TRIO: variants seen among roughly 807,000 people sequenced by gnomAD.
TRIO encodes triple functional domain protein.
Under a neutral mutation model 351.9 loss-of-function variants are expected in TRIO, and 58 were observed. The ratio of observed to expected loss-of-function variants is 0.16; its 90% CI spans 0.13 to 0.21. The LOEUF is 0.21. Among genes scored for constraint, TRIO ranks in the 10% least tolerant of loss-of-function variants. The pLI is 1.00. For synonymous variants in TRIO, 1,758 were observed against 1,595.7 expected (o/e 1.10, Z -2.42); for missense variants, 3,201 against 4,027.8 (o/e 0.79, Z 5.56).
intron 11 of TRIO, among the ~76,000 whole-genome samples, chr5:14,350,454 G>T (rs371484522): frequency 1.5e-4 from 23 of 152,294 alleles, no homozygotes; most frequent in African/African-American, 5.3e-4. Flanking sequence ...ACTTGATACT[G>T]TTTGGTTAGT....
intron 18 of TRIO, among the ~76,000 whole-genome samples, chr5:14,371,651 T>C (rs1466506163): frequency 3.3e-5 from 5 of 151,940 alleles, no homozygotes; most frequent in Admixed American, 6.6e-5. Context: ...TGTTTTTTTT[T>C]TTTTTTTGAG....
At chr5:14,272,163 C>T (rs911223136) in intron 2 of TRIO, among the ~76,000 whole-genome samples, 1 of 152,204 alleles carries the variant, frequency 6.6e-6, no homozygotes, top group African/African-American at 2.4e-5. Flanking sequence ...GCTTTGCGAA[C>T]CCCTGATTTT....
At chr5:14,308,118 T>C (rs1359145317) in intron 8 of TRIO, among the ~76,000 whole-genome samples, 2 of 152,178 alleles carry the variant, frequency 1.3e-5, no homozygotes, top group African/African-American at 4.8e-5. Context: ...GTATGGTGTT[T>C]AGAATTTTAA....
At chr5:14,184,177 A>G (rs1027263407) in intron 1 of TRIO, among the ~76,000 whole-genome samples, 1 of 152,228 alleles carries the variant, frequency 6.6e-6, no homozygotes, top group African/African-American at 2.4e-5. Flanking sequence ...TGCAGAAATC[A>G]TCCTGTGGGG....
At chr5:14,279,335 C>G (rs1735792991) in intron 2 of TRIO, among the ~76,000 whole-genome samples, 1 of 151,462 alleles carries the variant, frequency 6.6e-6, no homozygotes. Flanking sequence ...TTTGGCTGTT[C>G]TAAAAGGAAA....
chr5:14,492,236 G>T, intron 48 of TRIO: 1 of 332,186 alleles, frequency 3.0e-6, no homozygotes, highest in Non-Finnish European at 5.6e-6. Context: ...GTAACCTAAC[G>T]TGGCGTCAGC....
intron 8 of TRIO, among the ~76,000 whole-genome samples, chr5:14,310,254 C>T (rs910252436): frequency 7.2e-5 from 11 of 152,222 alleles, no homozygotes; most frequent in Non-Finnish European, 1.3e-4. Context: ...CTCAGTGTGC[C>T]TGTGTTGCCT....
At chr5:14,498,013 T>G in intron 51 of TRIO, 76 bp from the exon 52 acceptor site, 1 of 1,611,318 alleles carries the variant, frequency 6.2e-7, no homozygotes, top group Non-Finnish European at 8.5e-7. Flanking sequence ...GTCCTATCAA[T>G]CTGTCGGGGA....
At chr5:14,173,869 C>T (rs1391673762) in intron 1 of TRIO, among the ~76,000 whole-genome samples, 1 of 152,218 alleles carries the variant, frequency 6.6e-6, no homozygotes, top group Non-Finnish European at 1.5e-5. Flanking sequence ...GTGACTGTTA[C>T]TCTCCTGTAG....
At chr5:14,165,760 GC>G (rs1171178002) in intron 1 of TRIO, among the ~76,000 whole-genome samples, 3 of 152,048 alleles carry the variant, frequency 2.0e-5, no homozygotes, top group African/African-American at 4.8e-5. Flanking sequence ...TTTCACAAAG[GC>G]CCCTGGATCC....
At chr5:14,208,055 T>C (rs1320186720) in intron 1 of TRIO, among the ~76,000 whole-genome samples, 3 of 152,224 alleles carry the variant, frequency 2.0e-5, no homozygotes, top group Admixed American at 6.5e-5. Flanking sequence ...CCCTCATAAA[T>C]TGGGAATATA....
intron 8 of TRIO, among the ~76,000 whole-genome samples, chr5:14,306,679 A>G (rs1738403058): frequency 6.6e-6 from 1 of 152,238 alleles, no homozygotes; most frequent in African/African-American, 2.4e-5. Flanking sequence ...GGTGATTGGC[A>G]GACCCTGGGA....
chr5:14,358,306 C>T lies in TRIO; in HGVS notation c.2175C>T (p.Val725=). The change falls in exon 12 of 57, where the codon GTC becomes GTT. Residue 725 remains valine (V), a synonymous_variant. Coordinates refer to ENST00000344204, the MANE Select transcript of TRIO (RefSeq NM_007118.4). The part of the protein sequence containing the change: ...QQQQTTLQVT[V]NVIKEGEDLI... Reference sequence around the variant, plus strand: ...AGCAGACCACCCTGCAGGTGACTGTCAACGTGATCAAGGAAGGGGAGGACC... The same window carrying T: ...AGCAGACCACCCTGCAGGTGACTGTTAACGTGATCAAGGAAGGGGAGGACC... The T allele has an allele frequency of 2.5e-6, 4 of 1,614,168 alleles. No homozygotes were observed. The highest frequency in any genetic ancestry group is 3.4e-6 in the Non-Finnish European group (4 of 1,180,026).
intron 46 of TRIO, among the ~76,000 whole-genome samples, chr5:14,483,369 C>G (rs577624329): frequency 6.6e-6 from 1 of 152,326 alleles, no homozygotes; most frequent in East Asian, 1.9e-4. Context: ...GCAGATGACT[C>G]CTGGGAGATA....
At chr5:14,167,233 G>T (rs558161858) in intron 1 of TRIO, among the ~76,000 whole-genome samples, 1 of 151,642 alleles carries the variant, frequency 6.6e-6, no homozygotes, top group African/African-American at 2.4e-5. Flanking sequence ...CAGTAACTCT[G>T]GGGGGAAGAT....
chr5:14,400,479 A>G (rs6868103), intron 30 of TRIO, among the ~76,000 whole-genome samples: 142 of 152,322 alleles, frequency 9.3e-4, no homozygotes, highest in African/African-American at 3.2e-3. Context: ...AGCCGTTAAA[A>G]TTATTGATGA....
chr5:14,407,585 C>T (rs754148019), intron 33 of TRIO, among the ~76,000 whole-genome samples: 7 of 152,220 alleles, frequency 4.6e-5, no homozygotes, highest in Non-Finnish European at 1.0e-4. Flanking sequence ...GAGATGCCCT[C>T]TCATAACCAT....
At chr5:14,145,580 C>T (rs1009883060) in intron 1 of TRIO, among the ~76,000 whole-genome samples, 21 of 152,018 alleles carry the variant, frequency 1.4e-4, no homozygotes, top group African/African-American at 4.1e-4. Context: ...GACGTATTCC[C>T]TTCATGCCCT....
chr5:14,339,408 T>G (rs1741731481), intron 11 of TRIO, among the ~76,000 whole-genome samples: 3 of 152,246 alleles, frequency 2.0e-5, no homozygotes, highest in Admixed American at 2.0e-4. Context: ...CATTTTGTTT[T>G]CATTGACTTA....
Sources: allele counts gnomAD v4.1 joint callset (sites outside exome capture counted in the v4.1 genomes callset), GRCh38; gene constraint gnomAD v4.1.1; transcripts MANE v1.5; gene names NCBI Gene and HGNC (gene_info 2026-07-23, HGNC 2026-07-21).